The following BICD1 variants were observed in gnomAD, a reference collection of about 807,000 sequenced individuals.
The protein encoded by BICD1 is protein bicaudal D homolog 1.
BICD1 carries 35 observed loss-of-function variants against 92.5 expected under a neutral mutation model. The observed-to-expected ratio is 0.38, with a 90% CI of 0.29 to 0.50. BICD1 has a LOEUF of 0.50. Ranked by LOEUF, BICD1 falls within the 20% of genes least tolerant of loss-of-function variation. BICD1 has a pLI of 0.93. For synonymous variants in BICD1, 429 were observed against 465.1 expected, an observed-to-expected ratio of 0.92 and a Z score of 1.00; for missense variants, 950 against 1,189.8, an observed-to-expected ratio of 0.80 and a Z score of 2.97.
intron 1 of BICD1, among the ~76,000 whole-genome samples, chr12:32,180,172 C>T (rs1023492592): frequency 6.6e-5 from 10 of 151,624 alleles, no homozygotes; most frequent in Non-Finnish European, 1.3e-4. Context: ...TAGATGTGGC[C>T]GTCTATGTCC....
chr12:32,118,094 T>TTATTTTATTTTATTTTATTATTATTA, intron 1 of BICD1, among the ~76,000 whole-genome samples: 3 of 149,528 alleles, frequency 2.0e-5, no homozygotes, highest in African/African-American at 7.5e-5. Flanking sequence ...TTTATTTATT[T>TTATTTTATTTTATTTTATTATTATTA]TTTTTGAGAT....
intron 1 of BICD1, among the ~76,000 whole-genome samples, chr12:32,159,675 G>A (rs1016456400): frequency 6.6e-6 from 1 of 152,176 alleles, no homozygotes; most frequent in African/African-American, 2.4e-5. Context: ...CCGGTATTTG[G>A]TGTGTCCGTC....
intron 2 of BICD1, among the ~76,000 whole-genome samples, chr12:32,282,289 C>T (rs988194908): frequency 3.5e-5 from 5 of 143,090 alleles, no homozygotes; most frequent in Middle Eastern, 3.6e-3. Context: ...GACATGGTCT[C>T]GGCCCACTAT....
At chr12:32,287,531 G>GTTTTTTT (rs576396740) in intron 2 of BICD1, among the ~76,000 whole-genome samples, 6 of 120,198 alleles carry the variant, frequency 5.0e-5, no homozygotes, top group East Asian at 4.4e-4. Context: ...GCTGGGTGGT[G>GTTTTTTT]TTTTTTTTTT....
intron 4 of BICD1, among the ~76,000 whole-genome samples, chr12:32,322,998 G>A (rs1948695948): frequency 6.6e-6 from 1 of 152,024 alleles, no homozygotes. Flanking sequence ...AAGGAAAAAA[G>A]GAAAACAAAA....
intron 2 of BICD1, among the ~76,000 whole-genome samples, chr12:32,223,168 T>G (rs1945584715): frequency 6.6e-6 from 1 of 152,224 alleles, no homozygotes; most frequent in Admixed American, 6.5e-5. Context: ...AACTAACCTC[T>G]GCTGGTTTCA....
At chr12:32,257,645 C>T (rs1946756533) in intron 2 of BICD1, among the ~76,000 whole-genome samples, 1 of 151,984 alleles carries the variant, frequency 6.6e-6, no homozygotes, top group Admixed American at 6.6e-5. Context: ...GGTATGAACC[C>T]TAGAAAGGCT....
chr12:32,182,199 C>G (rs1354539837), intron 1 of BICD1, among the ~76,000 whole-genome samples: 1 of 151,186 alleles, frequency 6.6e-6, no homozygotes, highest in Non-Finnish European at 1.5e-5. Context: ...TTATGGGAAG[C>G]AGAAAAACCT....
intron 2 of BICD1, among the ~76,000 whole-genome samples, chr12:32,284,867 T>C (rs151255026): frequency 9.9e-4 from 151 of 152,320 alleles, no homozygotes; most frequent in African/African-American, 3.5e-3. Context: ...CTCCCACTAC[T>C]TCAGAGGTTC....
At position 32,116,508 on chromosome 12, in the gene BICD1, C is replaced by CTATATA. The variant is rs772917101; in HGVS notation, c.213+8965_213+8966insATATAT. Reference sequence around the variant, plus strand: ...TCTCTCTCTTTCTCTCTCTCTCTCTCTCTATATATATATATATATATGTAA... The same window carrying CTATATA: ...TCTCTCTCTTTCTCTCTCTCTCTCTCTATATATCTATATATATATATATATATGTAA... On this transcript the variant is annotated intron_variant, in intron 1 of 9. Coordinates refer to ENST00000652176, the MANE Select transcript of BICD1 (RefSeq NM_001714.4). 2.9e-3 allele frequency among the ~76,000 whole-genome samples: 273 copies of CTATATA among 94,152 alleles called. 2 individuals carry two copies. Among genetic ancestry groups the CTATATA allele is most frequent in the East Asian group, 0.013 (40 of 2,984 alleles). 61.8% of individuals were successfully genotyped at this position (94,152 alleles called of 152,430 possible).
At chr12:32,362,893 T>A (rs1450638887) in intron 8 of BICD1, among the ~76,000 whole-genome samples, 1 of 152,124 alleles carries the variant, frequency 6.6e-6, no homozygotes, top group Non-Finnish European at 1.5e-5. Flanking sequence ...GAGACTATGA[T>A]ATTCTCCCAT....
intron 1 of BICD1, among the ~76,000 whole-genome samples, chr12:32,147,969 C>A (rs1327233422): frequency 6.6e-6 from 1 of 151,424 alleles, no homozygotes; most frequent in Non-Finnish European, 1.5e-5. Flanking sequence ...GGAGACCCCC[C>A]ATCTCTACAA....
At chr12:32,193,855 T>C (rs1944646028) in intron 1 of BICD1, among the ~76,000 whole-genome samples, 1 of 152,238 alleles carries the variant, frequency 6.6e-6, no homozygotes. Context: ...ATTCATTTTA[T>C]GAGGCCAGCA....
At chr12:32,238,001 T>C (rs1946122126) in intron 2 of BICD1, among the ~76,000 whole-genome samples, 1 of 152,222 alleles carries the variant, frequency 6.6e-6, no homozygotes, top group African/African-American at 2.4e-5. Context: ...GAAAACCTTC[T>C]GGAAAGGATT....
intron 2 of BICD1, among the ~76,000 whole-genome samples, chr12:32,248,243 G>A (rs1451453584): frequency 6.6e-6 from 1 of 152,242 alleles, no homozygotes; most frequent in Non-Finnish European, 1.5e-5. Flanking sequence ...GCAAGATGGA[G>A]GTTGCTGATG....
At position 32,300,629 on chromosome 12, in the gene BICD1, GTATTTTT is replaced by G. The variant is rs1479594449; in HGVS notation, c.580-5066_580-5060del. Among the ~76,000 whole-genome samples, 973 of 108,294 alleles carry G rather than the reference GTATTTTT, an allele frequency of 9.0e-3. 23 individuals carry two copies. The highest frequency in any genetic ancestry group is 0.033 in the African/African-American group (927 of 28,298). The allele number at this position is 108,294 out of a possible 152,430, so 71.0% of individuals were successfully genotyped here. On this transcript the variant is annotated intron_variant, in intron 3 of 9. Coordinates refer to ENST00000652176, the MANE Select transcript of BICD1 (RefSeq NM_001714.4). ...GGGTTGAGAGGAAGATGACTTTACA[GTATTTTT>G]TTTTTTTTTTTTTTTTTTTTTTTTG... is the stretch of plus-strand genomic sequence containing the variant.
intron 9 of BICD1, among the ~76,000 whole-genome samples, chr12:32,375,922 A>G (rs1034589746): frequency 1.3e-5 from 2 of 152,230 alleles, no homozygotes; most frequent in Non-Finnish European, 2.9e-5. Context: ...AATTAATAGT[A>G]ATAATGAGCC....
intron 2 of BICD1, among the ~76,000 whole-genome samples, chr12:32,255,894 T>C (rs1173376666): frequency 6.6e-6 from 1 of 152,218 alleles, no homozygotes; most frequent in East Asian, 1.9e-4. Flanking sequence ...TATTAAAATA[T>C]TACCCTTAAT....
At chr12:32,257,322 A>C (rs1487696962) in intron 2 of BICD1, among the ~76,000 whole-genome samples, 1 of 152,122 alleles carries the variant, frequency 6.6e-6, no homozygotes, top group African/African-American at 2.4e-5. Context: ...TTTGTTAGGG[A>C]AGTAAAAGCA....
Sources: allele counts gnomAD v4.1 joint callset (sites outside exome capture counted in the v4.1 genomes callset), GRCh38; gene constraint gnomAD v4.1.1; transcripts MANE v1.5; gene names NCBI Gene and HGNC (gene_info 2026-07-23, HGNC 2026-07-21).